Variants in PPP1R8 observed in about 807,000 individuals in gnomAD.
The protein encoded by PPP1R8 is protein phosphatase 1 regulatory subunit 8.
A neutral mutation model predicts 31.3 loss-of-function variants in PPP1R8; 4 were observed. The ratio of observed to expected loss-of-function variants is 0.13; its 90% confidence interval spans 0.06 to 0.29. PPP1R8 has a LOEUF of 0.29. PPP1R8 is among the 10% of genes least tolerant of loss of function. The pLI, the probability that PPP1R8 is intolerant of heterozygous loss-of-function variation, is 1.00. For synonymous variants in PPP1R8, 170 were observed against 169.7 expected (o/e 1.00, Z -0.01); for missense variants, 254 against 440.1 (o/e 0.58, Z 3.78).
chr1:27,830,922 G>C, intron 1 of PPP1R8, 31 bp downstream of exon 1: 1 of 1,541,034 alleles, frequency 6.5e-7, no homozygotes, highest in East Asian at 2.5e-5. Flanking sequence ...GGCTAGAGTG[G>C]CCCGGCCGGA....
chr1:27,832,355 G>C (rs1167431973), intron 1 of PPP1R8, among the ~76,000 whole-genome samples: 1 of 152,182 alleles, frequency 6.6e-6, no homozygotes, highest in East Asian at 1.9e-4. Flanking sequence ...TAATCTTGAT[G>C]AGCCCCAAAC....
At chr1:27,834,847 G>A (rs922125846) in intron 2 of PPP1R8, among the ~76,000 whole-genome samples, 2 of 151,924 alleles carry the variant, frequency 1.3e-5, no homozygotes, top group East Asian at 1.9e-4. Context: ...GCAAAACCCC[G>A]TCTCTACTAA....
intron 2 of PPP1R8, chr1:27,834,372 A>T (rs1329132314): frequency 1.9e-6 from 1 of 515,294 alleles, no homozygotes; most frequent in South Asian, 1.4e-5. Flanking sequence ...TAGACCTGAG[A>T]TGTGCTTATT....
intron 1 of PPP1R8, chr1:27,831,359 A>T: frequency 1.0e-6 from 1 of 988,646 alleles, no homozygotes; most frequent in Non-Finnish European, 1.2e-6. Context: ...GCCACAGAGA[A>T]TACGAGGGTA....
chr1:27,849,688 C>T (rs1415425148), intron 6 of PPP1R8, among the ~76,000 whole-genome samples: 1 of 152,096 alleles, frequency 6.6e-6, no homozygotes, highest in Non-Finnish European at 1.5e-5. Context: ...GGGGTTTTGC[C>T]ATGTTGGCCA....
At position 27,838,695 on chromosome 1, in the gene PPP1R8, T is replaced by A; in HGVS notation, c.118-4T>A. 1 of 1,483,928 alleles carries A rather than the reference T, an allele frequency of 6.7e-7. No individual in the cohort carries two copies. Among genetic ancestry groups the A allele is most frequent in the Non-Finnish European group, 9.0e-7 (1 of 1,105,132 alleles). The allele number at this position is 1,483,928 out of a possible 1,614,324, so 91.9% of individuals were successfully genotyped here. Reference sequence around the variant, plus strand: ...AAGTAATATTTAATTTAATATTTATTTAGAAACTGATTATTGATGAGAAGA... The same window carrying A: ...AAGTAATATTTAATTTAATATTTATATAGAAACTGATTATTGATGAGAAGA... On this transcript the variant is annotated splice_polypyrimidine_tract_variant and splice_region_variant and intron_variant, in intron 2 of 6. Transcript: ENST00000311772.
In PPP1R8 at chr1:27,850,746, T is replaced by G. The variant is rs2089336409; in HGVS notation, c.*300T>G. 2 of 290,916 alleles carry G rather than the reference T, an allele frequency of 6.9e-6. No individual in the cohort carries two copies. The highest frequency in any genetic ancestry group is 1.2e-4 in the East Asian group (2 of 16,706). 18.0% of individuals were successfully genotyped at this position (290,916 alleles called of 1,614,324 possible). Reference sequence around the variant, plus strand: ...CTTTCTCCCACTTTCTAGGATCATTTTTATGTAAAGTCACATATCCCAGGC... The same window carrying G: ...CTTTCTCCCACTTTCTAGGATCATTGTTATGTAAAGTCACATATCCCAGGC... On this transcript the variant is annotated 3_prime_UTR_variant, in exon 7 of 7. Coordinates refer to ENST00000311772, the MANE Select transcript of PPP1R8 (RefSeq NM_014110.5).
At chr1:27,842,009 C>A (rs1351396772) in intron 4 of PPP1R8, among the ~76,000 whole-genome samples, 1 of 152,170 alleles carries the variant, frequency 6.6e-6, no homozygotes, top group East Asian at 1.9e-4. Context: ...TACACCAAGG[C>A]AGTTTCCTGG....
intron 1 of PPP1R8, chr1:27,831,342 T>A (rs560802279): frequency 6.1e-6 from 6 of 988,554 alleles, no homozygotes; most frequent in Non-Finnish European, 3.6e-6. Context: ...GCGGCACTTG[T>A]CTGTCTGCCA....
In PPP1R8 at chr1:27,836,857, CTTGT is replaced by C. The variant is rs1162533258; in HGVS notation, c.118-1835_118-1832del. 2.0e-5 allele frequency among the ~76,000 whole-genome samples: 3 copies of C among 152,006 alleles called. No individual in the cohort carries two copies. The East Asian group carries it at 5.9e-4, about 30-fold the overall frequency. ...GACCAGCCTGGGCAACATGGTGAAA[CTTGT>C]TTGTTTTGAGACTGTCTCAAAAACA... On this transcript the variant is annotated intron_variant, in intron 2 of 6. Coordinates refer to ENST00000311772, the MANE Select transcript of PPP1R8 (RefSeq NM_014110.5).
rs372361653 is a variant in PPP1R8, at chr1:27,831,002, G to A, written c.56+111G>A. On this transcript the variant is annotated intron_variant, in intron 1 of 6. Transcript: ENST00000311772. ...GCGAGCCGAACGGCTCAGAAACCCC[G>A]GAATGGTTGAGGAAAAACTGTTTGC... The A allele has an allele frequency of 1.6e-5, 23 of 1,432,566 alleles. No individual in the cohort carries two copies. The African/African-American group carries it at 3.2e-4, about 20-fold the overall frequency. The allele number at this position is 1,432,566 out of a possible 1,614,324, so 88.7% of individuals were successfully genotyped here.
At position 27,850,299 on chromosome 1, in the gene PPP1R8, G is replaced by C; in HGVS notation, c.909G>C (p.Leu303Phe). 1 of 1,614,242 alleles carries C rather than the reference G, an allele frequency of 6.2e-7. No individual in the cohort carries two copies. The highest frequency in any genetic ancestry group is 1.1e-5 in the South Asian group (1 of 91,080). ...CAAACCTTGCCCCTGATGTGGACTTGACTCCTGTTGTGCCGTCAGCAGTGA... is the reference window on the plus strand; with the variant it reads ...CAAACCTTGCCCCTGATGTGGACTTCACTCCTGTTGTGCCGTCAGCAGTGA... ...PYPNLAPDVD[L>F]TPVVPSAVNM... Residue 303 changes from leucine to phenylalanine, a missense_variant, in exon 7 of 7, where the codon TTG becomes TTC. By Grantham distance (22) the Leu-to-Phe change is conservative. Around this residue, in one of 6 missense-constraint regions of PPP1R8, gnomAD observed 105 missense variants for 128.0 expected, o/e 0.82. Coordinates refer to ENST00000311772, the MANE Select transcript of PPP1R8 (RefSeq NM_014110.5).
At chr1:27,844,054 G>A (rs1437808990) in intron 5 of PPP1R8, among the ~76,000 whole-genome samples, 2 of 152,212 alleles carry the variant, frequency 1.3e-5, no homozygotes, top group Non-Finnish European at 2.9e-5. Context: ...CCAGGCTAGA[G>A]TGCAGTGGCA....
rs147590153 is a variant in PPP1R8, at chr1:27,838,421, C to G, written c.118-278C>G. 2.5e-3 allele frequency among the ~76,000 whole-genome samples: 376 copies of G among 152,202 alleles called. 6 individuals carry two copies. Among genetic ancestry groups the G allele is most frequent in the East Asian group, 0.022 (113 of 5,186 alleles). ...AAGAAAAGTTATTTTCATACCAACA[C>G]TAGACAAACACTACATTGAGGAGAT... On this transcript the variant is annotated intron_variant, in intron 2 of 6. Coordinates refer to ENST00000311772, the MANE Select transcript of PPP1R8 (RefSeq NM_014110.5).
rs772103116 is a variant in PPP1R8, at chr1:27,841,083, C to T, written c.341C>T (p.Thr114Met). 1.9e-6 allele frequency: 3 copies of T among 1,614,164 alleles called. No individual in the cohort carries two copies. Among genetic ancestry groups the T allele is most frequent in the South Asian group, 2.2e-5 (2 of 91,084 alleles). The change falls in exon 4 of 7, where the codon ACG becomes ATG. Residue 114 changes from threonine to methionine, a missense_variant. Physicochemically the swap from Thr to Met is moderately conservative, Grantham distance 81 (BLOSUM62 -1). Coordinates refer to ENST00000311772, the MANE Select transcript of PPP1R8 (RefSeq NM_014110.5). ...HKPQQIPIDS[T>M]VSFGASTRAY... ...CCTCAGCAAATTCCCATCGATTCCA[C>T]GGTCTCATTTGGCGCATCCACAAGG... is the stretch of plus-strand genomic sequence containing the variant.
Position 27,848,015 on chromosome 1 carries a change from A to G in PPP1R8, c.702+923A>G, listed in dbSNP as rs149941751. 2.4e-3 allele frequency among the ~76,000 whole-genome samples: 360 copies of G among 152,272 alleles called. 4 individuals carry two copies. Among genetic ancestry groups the G allele is most frequent in the African/African-American group, 8.1e-3 (336 of 41,562 alleles). On this transcript the variant is annotated intron_variant, in intron 6 of 6. Coordinates refer to ENST00000311772, the MANE Select transcript of PPP1R8 (RefSeq NM_014110.5). The stretch of plus-strand genomic sequence containing the variant: ...GTAAGCTATTAGGTGGAGGAGATGC[A>G]TTATTGCAATACCACACAGTTTGCC...
intron 2 of PPP1R8, among the ~76,000 whole-genome samples, chr1:27,837,091 A>G (rs1186281860): frequency 1.3e-5 from 2 of 152,062 alleles, no homozygotes; most frequent in African/African-American, 2.4e-5. Flanking sequence ...ATCTAAAATT[A>G]AGATCCAACA....
intron 5 of PPP1R8, among the ~76,000 whole-genome samples, chr1:27,845,696 C>T (rs2089271076): frequency 6.6e-6 from 1 of 151,410 alleles, no homozygotes; most frequent in East Asian, 1.9e-4. Flanking sequence ...GCAAATAAAC[C>T]AGGGGCTAAT....
chr1:27,844,447 C>T (rs1571553680), intron 5 of PPP1R8, among the ~76,000 whole-genome samples: 1 of 152,042 alleles, frequency 6.6e-6, no homozygotes, highest in African/African-American at 2.4e-5. Flanking sequence ...CCTGCCTCAG[C>T]CTCCCAAGTA....
Sources: gnomAD v4.1 joint callset for allele counts (sites outside exome capture counted in the v4.1 genomes callset) on GRCh38, gnomAD v4.1.1 for gene constraint, gnomAD v4.1.1 regional missense constraint, MANE v1.5 for transcripts, NCBI Gene and HGNC (gene_info 2026-07-23, HGNC 2026-07-21) for gene names.